Variants in OSBPL10 observed in about 807,000 individuals in gnomAD.
OSBPL10 encodes the protein oxysterol-binding protein-related protein 10.
Under a neutral mutation model 81.7 loss-of-function variants are expected in OSBPL10, and 49 were observed. That is an observed-to-expected ratio of 0.60 (90% CI 0.48 to 0.76). The LOEUF (loss-of-function observed/expected upper bound fraction) is 0.76. Ranked by LOEUF, OSBPL10 falls within the 30% of genes least tolerant of loss-of-function variation. The probability of loss-of-function intolerance (pLI) is 0.00; values close to 1 mark genes in which losing one functional copy is unlikely to be tolerated. For missense variants in OSBPL10, 923 were observed against 987.8 expected, an observed-to-expected ratio of 0.93 and a Z score of 0.88; for synonymous variants, 419 against 383.6, an observed-to-expected ratio of 1.09 and a Z score of -1.08.
intron 2 of OSBPL10, among the ~76,000 whole-genome samples, chr3:31,987,544 G>A (rs1559543365): frequency 6.6e-6 from 1 of 152,204 alleles, no homozygotes; most frequent in Admixed American, 6.5e-5. Context: ...TGTTTACTAT[G>A]CTGGTTCTGG....
chr3:31,692,544 T>G (rs1315470461), intron 7 of OSBPL10, among the ~76,000 whole-genome samples: 1 of 151,828 alleles, frequency 6.6e-6, no homozygotes, highest in African/African-American at 2.4e-5. Flanking sequence ...AGACCACCTC[T>G]GACACTTCTG....
At chr3:31,989,489 G>A (rs1698992784) in intron 2 of OSBPL10, 1 of 1,614,058 alleles carries the variant, frequency 6.2e-7, no homozygotes, top group Non-Finnish European at 8.5e-7. Flanking sequence ...TTGACTGGTA[G>A]CACCGACAGA....
At chr3:32,069,327 T>C (rs1057489846) in intron 1 of OSBPL10, among the ~76,000 whole-genome samples, 6 of 152,058 alleles carry the variant, frequency 3.9e-5, no homozygotes, top group African/African-American at 1.2e-4. Flanking sequence ...GAGCCAGACC[T>C]CCAGGAAGGC....
chr3:31,686,208 G>A (rs564946190), intron 7 of OSBPL10, among the ~76,000 whole-genome samples: 1 of 152,256 alleles, frequency 6.6e-6, no homozygotes, highest in African/African-American at 2.4e-5. Context: ...CTGCAGAATT[G>A]TGAGCTAAAT....
At chr3:31,793,966 G>C (rs770189193) in intron 4 of OSBPL10, among the ~76,000 whole-genome samples, 1 of 152,216 alleles carries the variant, frequency 6.6e-6, no homozygotes, top group Non-Finnish European at 1.5e-5. Flanking sequence ...CTAGAGATGA[G>C]AGTAGCAGCC....
intron 4 of OSBPL10, among the ~76,000 whole-genome samples, chr3:31,819,864 T>A (rs541846702): frequency 6.6e-5 from 10 of 152,338 alleles, no homozygotes; most frequent in South Asian, 2.1e-4. Flanking sequence ...CTGGATGGGA[T>A]AGATTCAACA....
intron 1 of OSBPL10, among the ~76,000 whole-genome samples, chr3:31,957,213 GT>G (rs947583559): frequency 6.6e-6 from 1 of 152,080 alleles, no homozygotes; most frequent in Non-Finnish European, 1.5e-5. Context: ...AGAACTTTTT[GT>G]TTTTTTAACT....
intron 6 of OSBPL10, among the ~76,000 whole-genome samples, chr3:31,720,827 A>G (rs1170131163): frequency 7.0e-6 from 1 of 142,388 alleles, no homozygotes; most frequent in African/African-American, 2.6e-5. Flanking sequence ...TTGAACCTGG[A>G]GCCAAGATCA....
chr3:31,966,514 A>G (rs977141989), intron 1 of OSBPL10, among the ~76,000 whole-genome samples: 1 of 152,014 alleles, frequency 6.6e-6, no homozygotes, highest in Admixed American at 6.5e-5. Flanking sequence ...TTCTTAGAAA[A>G]GATCAATAAA....
chr3:31,964,476 G>T (rs1698256607), intron 1 of OSBPL10, among the ~76,000 whole-genome samples: 1 of 152,228 alleles, frequency 6.6e-6, no homozygotes, highest in African/African-American at 2.4e-5. Context: ...CTCTTAATGG[G>T]TAAGCAGTGG....
intron 3 of OSBPL10, among the ~76,000 whole-genome samples, chr3:31,871,468 T>A (rs1250765468): frequency 6.6e-6 from 1 of 152,134 alleles, no homozygotes; most frequent in East Asian, 1.9e-4. Context: ...ACCGCAAGGG[T>A]CCACGGCTTC....
intron 1 of OSBPL10, among the ~76,000 whole-genome samples, chr3:31,904,313 TGAG>T (rs1433483407): frequency 9.9e-5 from 15 of 152,134 alleles, no homozygotes; most frequent in Non-Finnish European, 1.6e-4. Flanking sequence ...ATATCAGGGC[TGAG>T]GAGAAGAGAC....
At chr3:31,756,782 T>G (rs1188347502) in intron 4 of OSBPL10, among the ~76,000 whole-genome samples, 1 of 152,258 alleles carries the variant, frequency 6.6e-6, no homozygotes, top group East Asian at 1.9e-4. Flanking sequence ...TTTGAAATTT[T>G]TCATAACAAC....
chr3:31,831,280 C>T (rs1190406377), intron 3 of OSBPL10, among the ~76,000 whole-genome samples: 2 of 152,024 alleles, frequency 1.3e-5, no homozygotes, highest in Non-Finnish European at 2.9e-5. Flanking sequence ...GTGGCACATG[C>T]CTGTAATCGC....
Position 31,683,925 on chromosome 3 carries a change from A to C in OSBPL10, c.1435T>G (p.Tyr479Asp). The change falls in exon 8 of 12, where the codon TAC (tyrosine) becomes GAC (aspartate). Residue 479 changes from tyrosine to aspartate, a missense_variant. By Grantham distance (160) the Tyr-to-Asp change is radical. This residue lies in a region of OSBPL10 where 387 missense variants were observed against 436.3 expected (regional missense o/e 0.89). Transcript: ENST00000396556. ...GRKGALAKKP[Y>D]NPIIGETFHC... is the part of the protein sequence containing the mutation. ...AATGTCTCGCCTATGATGGGGTTGT[A>C]GGGCTTCTTGGCTAAAGCGCCCTTG... 1 of 1,614,258 alleles carries C rather than the reference A, an allele frequency of 6.2e-7. No homozygotes were observed. The highest frequency in any genetic ancestry group is 1.1e-5 in the South Asian group (1 of 91,088).
intron 7 of OSBPL10, among the ~76,000 whole-genome samples, chr3:31,687,237 A>T (rs780699168): frequency 6.6e-6 from 1 of 152,096 alleles, no homozygotes; most frequent in Non-Finnish European, 1.5e-5. Flanking sequence ...TCAAACAAAG[A>T]TAATTGCGTA....
chr3:31,932,143 A>T (rs1227880033), intron 1 of OSBPL10, among the ~76,000 whole-genome samples: 1 of 152,216 alleles, frequency 6.6e-6, no homozygotes, highest in East Asian at 1.9e-4. Context: ...GAAAATGAAA[A>T]ACATGGTCTC....
chr3:31,825,052 T>G (rs554731061), intron 4 of OSBPL10, among the ~76,000 whole-genome samples: 1 of 152,002 alleles, frequency 6.6e-6, no homozygotes, highest in Middle Eastern at 3.4e-3. Flanking sequence ...GATGGAGGAG[T>G]GCACACTGCA....
At chr3:31,911,644 T>C (rs1040120498) in intron 1 of OSBPL10, among the ~76,000 whole-genome samples, 6 of 151,128 alleles carry the variant, frequency 4.0e-5, no homozygotes, top group Non-Finnish European at 8.8e-5. Flanking sequence ...AAAAAACTCA[T>C]GTTTTAAGAA....
Sources: gnomAD v4.1 joint callset for allele counts (sites outside exome capture counted in the v4.1 genomes callset) on GRCh38, gnomAD v4.1.1 for gene constraint, gnomAD v4.1.1 regional missense constraint, MANE v1.5 for transcripts, NCBI Gene and HGNC (gene_info 2026-07-23, HGNC 2026-07-21) for gene names.